The following DNAJC17 variants were observed in gnomAD, a reference collection of about 807,000 sequenced individuals.
DNAJC17 encodes dnaJ homolog subfamily C member 17.
DNAJC17 carries 35 observed loss-of-function variants against 48.1 expected under a neutral mutation model. The observed-to-expected ratio is 0.73, with a 90% CI of 0.56 to 0.96. The LOEUF (loss-of-function observed/expected upper bound fraction) is 0.96, where lower values mean the gene tolerates loss of function less well. DNAJC17 is among the 50% of genes least tolerant of loss of function. The probability of loss-of-function intolerance (pLI) is 0.00; values close to 1 mark genes in which losing one functional copy is unlikely to be tolerated. For missense variants in DNAJC17, 355 were observed against 377.1 expected, an observed-to-expected ratio of 0.94 and a Z score of 0.48; for synonymous variants, 117 against 142.7, an observed-to-expected ratio of 0.82 and a Z score of 1.28.
intron 4 of DNAJC17, among the ~76,000 whole-genome samples, chr15:40,777,281 CTT>C (rs1162001252): frequency 0.032 from 4,158 of 131,474 alleles, 179 homozygotes; most frequent in African/African-American, 0.11. Context: ...CTCTCTCTCT[CTT>C]TTTTTTTTTT....
At chr15:40,785,909 T>A (rs1181673792) in intron 1 of DNAJC17, among the ~76,000 whole-genome samples, 2 of 152,248 alleles carry the variant, frequency 1.3e-5, no homozygotes, top group Non-Finnish European at 2.9e-5. Context: ...CTTGATTAAC[T>A]AGTTATTACT....
chr15:40,765,921 T>C lies in DNAJC17; in HGVS notation c.*2019A>G, dbSNP rs1888936497. On this transcript the variant is annotated 3_prime_UTR_variant, in exon 11 of 11. Coordinates refer to ENST00000220496, the MANE Select transcript of DNAJC17 (RefSeq NM_018163.3). ...AAGAGAAGAGCCTTGGGAAACAACT[T>C]GTAAGTAGCAGCCTCCCTCAGTATC... is the stretch of plus-strand genomic sequence containing the variant. 1.3e-6 allele frequency: 2 copies of C among 1,523,116 alleles called. No individual in the cohort carries two copies. Among genetic ancestry groups the C allele is most frequent in the Non-Finnish European group, 1.8e-6 (2 of 1,109,264 alleles). The allele number at this position is 1,523,116 out of a possible 1,614,324, so 94.4% of individuals were successfully genotyped here.
intron 1 of DNAJC17, among the ~76,000 whole-genome samples, chr15:40,789,462 T>A (rs913385088): frequency 5.3e-5 from 8 of 151,996 alleles, no homozygotes; most frequent in Non-Finnish European, 8.8e-5. Flanking sequence ...CACCCTGCTC[T>A]CTGGCCCACC....
At chr15:40,790,547 C>T (rs182579871) in intron 1 of DNAJC17, among the ~76,000 whole-genome samples, 44 of 152,080 alleles carry the variant, frequency 2.9e-4, no homozygotes, top group African/African-American at 1.0e-3. Flanking sequence ...CCACTGCACT[C>T]CAGCCTGGGC....
intron 1 of DNAJC17, among the ~76,000 whole-genome samples, chr15:40,804,388 G>C (rs570579958): frequency 3.2e-4 from 49 of 151,722 alleles, no homozygotes; most frequent in African/African-American, 1.1e-3. Context: ...CACCAGCCTG[G>C]GCAATATAGC....
At chr15:40,788,142 G>C (rs1297221665) in intron 1 of DNAJC17, among the ~76,000 whole-genome samples, 1 of 152,138 alleles carries the variant, frequency 6.6e-6, no homozygotes, top group Admixed American at 6.5e-5. Flanking sequence ...AGCTGGGGCA[G>C]CCACGTCTCC....
chr15:40,793,853 A>G (rs879725295), intron 1 of DNAJC17, among the ~76,000 whole-genome samples: 1 of 152,144 alleles, frequency 6.6e-6, no homozygotes, highest in Non-Finnish European at 1.5e-5. Context: ...ACCAAGGTAC[A>G]GAGCGGTTAA....
intron 1 of DNAJC17, chr15:40,806,946 G>A (rs147021183): frequency 2.9e-5 from 9 of 310,752 alleles, no homozygotes; most frequent in East Asian, 7.1e-5. Flanking sequence ...GAGGCTTTGA[G>A]ATCTTACTTT....
In DNAJC17 at chr15:40,773,888, G is replaced by A. The variant is rs761631044; in HGVS notation, c.682-51C>T. The A allele has an allele frequency of 2.6e-6, 4 of 1,521,544 alleles. No homozygotes were observed. In the Admixed American group the frequency reaches 7.4e-5, roughly 28 times the overall value. The allele number at this position is 1,521,544 out of a possible 1,614,324, so 94.3% of individuals were successfully genotyped here. ...TCCCATCCGTTGAGTCAGCTATAAA[G>A]AGGCTCTCTCTACCCCCACAGAGAG... On this transcript the variant is annotated intron_variant, in intron 9 of 10. Transcript: ENST00000220496.
intron 4 of DNAJC17, 135 bp downstream of exon 4, chr15:40,779,088 A>G: frequency 1.2e-6 from 1 of 826,646 alleles, no homozygotes; most frequent in Non-Finnish European, 2.1e-6. Context: ...ACCAACCTCT[A>G]AGAACAGCGT....
chr15:40,806,591 A>G (rs540738925), intron 1 of DNAJC17, among the ~76,000 whole-genome samples: 1 of 152,258 alleles, frequency 6.6e-6, no homozygotes, highest in South Asian at 2.1e-4. Context: ...GATGGAGTGC[A>G]GTGGCGCGAT....
chr15:40,806,508 C>T (rs763666343), intron 1 of DNAJC17, among the ~76,000 whole-genome samples: 24 of 152,008 alleles, frequency 1.6e-4, no homozygotes, highest in Non-Finnish European at 2.6e-4. Flanking sequence ...TGAGCCACCG[C>T]GCCCGGCCTA....
At chr15:40,779,419 G>A (rs1566823883) in intron 3 of DNAJC17, 109 bp from the exon 4 acceptor site, 1 of 1,551,738 alleles carries the variant, frequency 6.4e-7, no homozygotes. Context: ...GCAGCCTGGT[G>A]ACTGGGTCTC....
rs1382794180 is a variant in DNAJC17, at chr15:40,767,613, C to T, written c.*327G>A. The T allele has an allele frequency of 5.2e-6, 3 of 582,100 alleles. No homozygotes were observed. Among genetic ancestry groups the T allele is most frequent in the Non-Finnish European group, 8.7e-6 (3 of 344,366 alleles). The allele number at this position is 582,100 out of a possible 1,614,324, so 36.1% of individuals were successfully genotyped here. The stretch of plus-strand genomic sequence containing the variant: ...AGGGCCTTGTGTAGGCCATGTTCCT[C>T]GGGCAGCTGCCCCGGGCCGGAGCTG... On this transcript the variant is annotated 3_prime_UTR_variant, in exon 11 of 11. Coordinates refer to ENST00000220496, the MANE Select transcript of DNAJC17 (RefSeq NM_018163.3).
intron 1 of DNAJC17, among the ~76,000 whole-genome samples, chr15:40,794,729 A>T (rs1283585505): frequency 1.3e-5 from 2 of 152,014 alleles, no homozygotes; most frequent in African/African-American, 2.4e-5. Flanking sequence ...TTATTTATTT[A>T]TTTTTTGAGA....
Position 40,779,096 on chromosome 15 carries a change from C to T in DNAJC17, c.295+127G>A, listed in dbSNP as rs1268887991. On this transcript the variant is annotated intron_variant, in intron 4 of 10. Transcript: ENST00000220496. The stretch of plus-strand genomic sequence containing the variant: ...TTTAGGAACCAACCTCTAAGAACAG[C>T]GTTTTGCCCAGAGCCTGAGCCAAAA... 6 of 868,250 alleles carry T rather than the reference C, an allele frequency of 6.9e-6. No individual in the cohort carries two copies. In the East Asian group the frequency reaches 7.4e-5, roughly 11 times the overall value. 53.8% of individuals were successfully genotyped at this position (868,250 alleles called of 1,614,324 possible).
At chr15:40,782,801 T>C (rs1442408435) in intron 1 of DNAJC17, among the ~76,000 whole-genome samples, 4 of 151,836 alleles carry the variant, frequency 2.6e-5, no homozygotes, top group African/African-American at 9.7e-5. Context: ...CCTCTAGGGG[T>C]GTGCTGCCAC....
intron 10 of DNAJC17, 40 bp downstream of exon 10, chr15:40,773,687 G>A (rs375354724): frequency 3.2e-6 from 5 of 1,542,318 alleles, no homozygotes; most frequent in East Asian, 2.3e-5. Context: ...GAAGAGCTCC[G>A]AGACCTGAGC....
chr15:40,781,148 T>A, intron 1 of DNAJC17, among the ~76,000 whole-genome samples: 3 of 95,284 alleles, frequency 3.1e-5, no homozygotes, highest in African/African-American at 5.0e-5. Context: ...CGAGACTCCA[T>A]CTCAGAAAAA....
Sources: gnomAD v4.1 joint callset for allele counts (sites outside exome capture counted in the v4.1 genomes callset) on GRCh38, gnomAD v4.1.1 for gene constraint, MANE v1.5 for transcripts, NCBI Gene and HGNC (gene_info 2026-07-23, HGNC 2026-07-21) for gene names.